The following UBE2H variants were observed in gnomAD, a reference collection of about 807,000 sequenced individuals.
UBE2H encodes ubiquitin-conjugating enzyme E2 H.
A neutral mutation model predicts 29.0 loss-of-function variants in UBE2H; 3 were observed. The ratio of observed to expected loss-of-function variants is 0.10; its 90% CI spans 0.05 to 0.27. The LOEUF (loss-of-function observed/expected upper bound fraction) is 0.27, where lower values mean the gene tolerates loss of function less well. UBE2H is among the 10% of genes least tolerant of loss of function. The pLI is 1.00. For missense variants in UBE2H, 68 were observed against 228.2 expected (o/e 0.30, Z 4.52); for synonymous variants, 69 against 82.9 (o/e 0.83, Z 0.91).
intron 1 of UBE2H, among the ~76,000 whole-genome samples, chr7:129,912,321 T>C (rs1806953209): frequency 6.6e-6 from 1 of 152,224 alleles, no homozygotes; most frequent in South Asian, 2.1e-4. Flanking sequence ...TTGGATTTAT[T>C]TGCATATACA....
chr7:129,842,997 A>AT (rs1214247554), intron 5 of UBE2H, among the ~76,000 whole-genome samples: 1,967 of 139,564 alleles, frequency 0.014, 25 homozygotes, highest in African/African-American at 0.024. Flanking sequence ...ATTAACAGTA[A>AT]TTTTTTTTTT....
chr7:129,916,715 T>C (rs569004861), intron 1 of UBE2H, among the ~76,000 whole-genome samples: 1 of 152,290 alleles, frequency 6.6e-6, no homozygotes, highest in East Asian at 1.9e-4. Flanking sequence ...TCTAAGCATG[T>C]ACACGGCTAA....
intron 3 of UBE2H, among the ~76,000 whole-genome samples, chr7:129,874,220 G>A (rs970410313): frequency 8.6e-5 from 13 of 151,686 alleles, no homozygotes; most frequent in Non-Finnish European, 1.8e-4. Flanking sequence ...ATGATATGAA[G>A]GAGAATATAA....
chr7:129,859,213 T>C (rs1331092979), intron 3 of UBE2H, among the ~76,000 whole-genome samples: 1 of 152,230 alleles, frequency 6.6e-6, no homozygotes, highest in Non-Finnish European at 1.5e-5. Flanking sequence ...TTCTGAGCTA[T>C]GAAGGTACTG....
At chr7:129,912,150 G>C (rs1584781719) in intron 1 of UBE2H, among the ~76,000 whole-genome samples, 1 of 152,110 alleles carries the variant, frequency 6.6e-6, no homozygotes, top group East Asian at 1.9e-4. Flanking sequence ...AGTTTTACTG[G>C]AACACGCCAT....
intron 5 of UBE2H, among the ~76,000 whole-genome samples, chr7:129,852,006 C>A (rs901037830): frequency 1.3e-5 from 2 of 152,192 alleles, no homozygotes; most frequent in African/African-American, 4.8e-5. Flanking sequence ...CCTCTATCTA[C>A]AAATAATGAC....
intron 3 of UBE2H, among the ~76,000 whole-genome samples, chr7:129,865,801 T>C (rs989072998): frequency 6.6e-6 from 1 of 152,356 alleles, no homozygotes; most frequent in South Asian, 2.1e-4. Flanking sequence ...TCAGTAGGTA[T>C]AATTGTTTAA....
chr7:129,902,189 T>C (rs746625043), intron 1 of UBE2H, among the ~76,000 whole-genome samples: 3 of 152,116 alleles, frequency 2.0e-5, no homozygotes, highest in African/African-American at 7.2e-5. Context: ...TTAAACTACA[T>C]ATAAGTCTCT....
chr7:129,866,133 C>T (rs1351192049), intron 3 of UBE2H, among the ~76,000 whole-genome samples: 2 of 152,168 alleles, frequency 1.3e-5, no homozygotes, highest in Admixed American at 1.3e-4. Flanking sequence ...GGGCCTGTCT[C>T]TTCTTGGGTG....
chr7:129,944,734 ACACACACACACACACACG>A (rs1373384258), intron 1 of UBE2H, among the ~76,000 whole-genome samples: 70 of 134,516 alleles, frequency 5.2e-4, no homozygotes, highest in South Asian at 2.6e-3. Context: ...ACACACACAC[ACACACACACACACACACG>A]CACGCACGCA....
At chr7:129,835,160 C>T in intron 6 of UBE2H, 99 bp from the exon 7 acceptor site, 2 of 1,518,122 alleles carry the variant, frequency 1.3e-6, no homozygotes, top group Non-Finnish European at 9.0e-7. Context: ...TTCAAACTTA[C>T]CTTGAACACC....
At chr7:129,836,475 C>G (rs1201725620) in intron 6 of UBE2H, among the ~76,000 whole-genome samples, 1 of 152,182 alleles carries the variant, frequency 6.6e-6, no homozygotes, top group Non-Finnish European at 1.5e-5. Context: ...CGAGGCAGTC[C>G]CAGCCACACT....
At position 129,945,744 on chromosome 7, in the gene UBE2H, C is replaced by CT. The variant is rs563430196; in HGVS notation, c.53+6758dup. Among the ~76,000 whole-genome samples, 761 of 146,364 alleles carry CT rather than the reference C, an allele frequency of 5.2e-3. 5 individuals are homozygous for CT. Among genetic ancestry groups the CT allele is most frequent in the African/African-American group, 0.012 (477 of 40,232 alleles). On this transcript the variant is annotated intron_variant, in intron 1 of 6. Coordinates refer to ENST00000355621, the MANE Select transcript of UBE2H (RefSeq NM_003344.4). ...ATGGGATGGCATATTACATGAGCTACTTTTTTTTTTTTTGAGACTGAGTTT... is the reference window on the plus strand; with the variant it reads ...ATGGGATGGCATATTACATGAGCTACTTTTTTTTTTTTTTGAGACTGAGTTT...
At chr7:129,918,097 T>C (rs543632736) in intron 1 of UBE2H, among the ~76,000 whole-genome samples, 3 of 152,354 alleles carry the variant, frequency 2.0e-5, no homozygotes, top group South Asian at 2.1e-4. Context: ...CAAACTTTCA[T>C]GTCTTAAAGC....
chr7:129,909,368 C>T (rs1806884218), intron 1 of UBE2H, among the ~76,000 whole-genome samples: 1 of 152,094 alleles, frequency 6.6e-6, no homozygotes, highest in East Asian at 1.9e-4. Flanking sequence ...TGAAGCACCC[C>T]GTGAATTTCT....
chr7:129,951,207 T>C (rs1807867637), intron 1 of UBE2H: 1 of 152,096 alleles, frequency 6.6e-6, no homozygotes, highest in Admixed American at 6.6e-5. Flanking sequence ...CAATAACCAC[T>C]GATCTCTACA....
At chr7:129,946,480 G>C (rs1170586829) in intron 1 of UBE2H, among the ~76,000 whole-genome samples, 2 of 152,094 alleles carry the variant, frequency 1.3e-5, no homozygotes, top group South Asian at 4.1e-4. Context: ...AAAAGATATA[G>C]GAAAAAAGCC....
chr7:129,916,743 A>G (rs1377206930), intron 1 of UBE2H, among the ~76,000 whole-genome samples: 1 of 152,190 alleles, frequency 6.6e-6, no homozygotes, highest in Non-Finnish European at 1.5e-5. Flanking sequence ...ACCACCTGCA[A>G]AAGTTCCATT....
At chr7:129,868,784 T>C (rs1584754783) in intron 3 of UBE2H, among the ~76,000 whole-genome samples, 1 of 151,884 alleles carries the variant, frequency 6.6e-6, no homozygotes, top group African/African-American at 2.4e-5. Flanking sequence ...TCACAGCAGG[T>C]TTCACATTAA....
Sources: gnomAD v4.1 joint callset for allele counts (sites outside exome capture counted in the v4.1 genomes callset) on GRCh38, gnomAD v4.1.1 for gene constraint, MANE v1.5 for transcripts, NCBI Gene and HGNC (gene_info 2026-07-23, HGNC 2026-07-21) for gene names.